Variants in WDR27 observed in about 807,000 individuals in gnomAD.
WDR27 encodes WD repeat-containing protein 27.
WDR27 carries 100 observed loss-of-function variants against 114.4 expected under a neutral mutation model. The observed-to-expected ratio is 0.87, with a 90% CI of 0.74 to 1.03. The LOEUF is 1.03. Among genes scored for constraint, WDR27 ranks in the 50% least tolerant of loss-of-function variants. The probability of loss-of-function intolerance (pLI) is 0.00; values close to 1 mark genes in which losing one functional copy is unlikely to be tolerated. For missense variants in WDR27, 1,129 were observed against 1,092.9 expected (o/e 1.03, Z -0.47); for synonymous variants, 449 against 423.1 (o/e 1.06, Z -0.75).
At chr6:169,616,597 A>G (rs1811879296) in intron 21 of WDR27, among the ~76,000 whole-genome samples, 1 of 152,250 alleles carries the variant, frequency 6.6e-6, no homozygotes, top group African/African-American at 2.4e-5. Flanking sequence ...GAAATTAGGA[A>G]GACCTGAACA....
At chr6:169,650,025 CCA>C (rs1334110258) in intron 14 of WDR27, among the ~76,000 whole-genome samples, 2 of 147,978 alleles carry the variant, frequency 1.4e-5, no homozygotes, top group African/African-American at 2.5e-5. Flanking sequence ...ATCCATCCAC[CCA>C]CACATCCATC....
intron 25 of WDR27, among the ~76,000 whole-genome samples, chr6:169,561,487 A>AT (rs2128114783): frequency 6.6e-6 from 1 of 152,342 alleles, no homozygotes; most frequent in Admixed American, 6.5e-5. Flanking sequence ...AAGTGGTTTC[A>AT]TATCACTTAA....
At chr6:169,454,727 C>T (rs1784281947), downstream of WDR27, among the ~76,000 whole-genome samples, 1 of 152,202 alleles carries the variant, frequency 6.6e-6, no homozygotes, top group African/African-American at 2.4e-5. Flanking sequence ...ATGACATGTG[C>T]CACATGATAT....
chr6:169,587,912 T>A (rs1290052106), intron 23 of WDR27, among the ~76,000 whole-genome samples: 5 of 152,262 alleles, frequency 3.3e-5, no homozygotes, highest in Non-Finnish European at 7.3e-5. Context: ...CTATGGTACA[T>A]ACCAAGCAAT....
intron 25 of WDR27, among the ~76,000 whole-genome samples, chr6:169,507,822 C>A (rs1177830480): frequency 2.0e-5 from 3 of 152,176 alleles, no homozygotes; most frequent in Non-Finnish European, 4.4e-5. Flanking sequence ...TTTCTTGACA[C>A]ATGGTGAAGT....
At chr6:169,663,048 GT>G (rs1220531341) in intron 8 of WDR27, among the ~76,000 whole-genome samples, 1 of 150,984 alleles carries the variant, frequency 6.6e-6, no homozygotes, top group Non-Finnish European at 1.5e-5. Flanking sequence ...CCAGGATGAT[GT>G]GTATGCACCA....
downstream of WDR27, among the ~76,000 whole-genome samples, chr6:169,452,547 AGAGAGGAGCCG>A (rs1784197551): frequency 1.5e-5 from 2 of 135,062 alleles, no homozygotes; most frequent in Non-Finnish European, 3.0e-5. Context: ...GCGTGGGGTC[AGAGAGGAGCCG>A]TGCGTGGGGT....
intron 16 of WDR27, among the ~76,000 whole-genome samples, chr6:169,644,609 C>T (rs1337949308): frequency 1.4e-4 from 21 of 149,618 alleles, no homozygotes; most frequent in African/African-American, 4.6e-4. Context: ...CCCTAGTTCA[C>T]AGGAGTCACA....
chr6:169,645,222 T>A (rs1364761801), intron 16 of WDR27, among the ~76,000 whole-genome samples: 1 of 151,792 alleles, frequency 6.6e-6, no homozygotes, highest in East Asian at 1.9e-4. Flanking sequence ...TAGAAAAGCC[T>A]AGTTCACAGG....
intron 15 of WDR27, among the ~76,000 whole-genome samples, chr6:169,648,729 T>C (rs1821457606): frequency 6.6e-6 from 1 of 152,180 alleles, no homozygotes; most frequent in Non-Finnish European, 1.5e-5. Flanking sequence ...TCCCCCAAGC[T>C]CTTCCCTGTC....
the WDR27 span, among the ~76,000 whole-genome samples, chr6:169,428,820 C>T: frequency 0.37 from 56,731 of 152,104 alleles, 13,316 homozygotes; most frequent in Non-Finnish European, 0.53. Context: ...GGACTAGCCT[C>T]TTCCTTTCTC....
rs150134691 is a variant in WDR27, at chr6:169,585,836, G to A, written c.2425-2902C>T. Among the ~76,000 whole-genome samples the A allele has an allele frequency of 1.4e-3, 206 of 152,240 alleles. 4 individuals are homozygous for A. In the East Asian group the frequency reaches 0.032, roughly 24 times the overall value. On this transcript the variant is annotated intron_variant, in intron 23 of 25. Transcript: ENST00000448612. The stretch of plus-strand genomic sequence containing the variant: ...CGAGGCAGAAGAGGTGGAGGAGGTG[G>A]AAGGGGAGGCAGCAGAGGCAGGCTC...
chr6:169,467,671 T>C (rs1785776494), intron 25 of WDR27, among the ~76,000 whole-genome samples: 1 of 152,194 alleles, frequency 6.6e-6, no homozygotes, highest in South Asian at 2.1e-4. Flanking sequence ...CATAAAGCCA[T>C]GTTTTCCTCC....
At chr6:169,620,602 T>G (rs540056189) in intron 21 of WDR27, among the ~76,000 whole-genome samples, 1 of 152,306 alleles carries the variant, frequency 6.6e-6, no homozygotes, top group South Asian at 2.1e-4. Flanking sequence ...CCACTTTACC[T>G]GACTGAACCA....
chr6:169,632,861 T>C (rs1816751003), intron 21 of WDR27, 86 bp downstream of exon 21: 3 of 1,277,464 alleles, frequency 2.3e-6, no homozygotes, highest in East Asian at 2.6e-5. Flanking sequence ...CAAACACTTA[T>C]AAAATGGCAT....
chr6:169,578,936 T>A (rs1802906768), intron 24 of WDR27, among the ~76,000 whole-genome samples: 1 of 152,156 alleles, frequency 6.6e-6, no homozygotes. Flanking sequence ...GTAGACGTCA[T>A]CACACTCCAG....
chr6:169,488,369 C>T (rs1789235388), intron 25 of WDR27, among the ~76,000 whole-genome samples: 1 of 152,184 alleles, frequency 6.6e-6, no homozygotes, highest in African/African-American at 2.4e-5. Flanking sequence ...TACTATTCAG[C>T]CTCATCCATC....
At chr6:169,569,330 A>G (rs1800995615) in intron 25 of WDR27, among the ~76,000 whole-genome samples, 1 of 152,244 alleles carries the variant, frequency 6.6e-6, no homozygotes, top group Non-Finnish European at 1.5e-5. Context: ...AGTATATTTT[A>G]ACAATCACAT....
At chr6:169,628,101 T>A (rs1815320678) in intron 21 of WDR27, among the ~76,000 whole-genome samples, 1 of 151,836 alleles carries the variant, frequency 6.6e-6, no homozygotes, top group Admixed American at 6.6e-5. Context: ...CCTTGAGAAG[T>A]GATTAGGTCA....
Sources: gnomAD v4.1 joint callset for allele counts (sites outside exome capture counted in the v4.1 genomes callset) on GRCh38, gnomAD v4.1.1 for gene constraint, MANE v1.5 for transcripts, NCBI Gene and HGNC (gene_info 2026-07-23, HGNC 2026-07-21) for gene names.